The following KIDINS220 variants were observed in gnomAD, a reference collection of about 807,000 sequenced individuals.
KIDINS220 encodes kinase D-interacting substrate of 220 kDa.
KIDINS220 carries 63 observed loss-of-function variants against 157.6 expected under a neutral mutation model. The observed-to-expected ratio is 0.40, with a 90% CI of 0.33 to 0.49. The LOEUF is 0.49. Ranked by LOEUF, KIDINS220 falls within the 20% of genes least tolerant of loss-of-function variation. KIDINS220 has a pLI of 0.66. For missense variants in KIDINS220, 1,772 were observed against 2,171.2 expected, an observed-to-expected ratio of 0.82 and a Z score of 3.65; for synonymous variants, 732 against 783.6, an observed-to-expected ratio of 0.93 and a Z score of 1.10.
rs1671351655 is a variant in KIDINS220 at position 8,779,077 on chromosome 2, G to T, written c.2433C>A (p.Ile811=). 2.5e-6 allele frequency: 4 copies of T among 1,613,908 alleles called. No homozygotes were observed. Among genetic ancestry groups the T allele is most frequent in the South Asian group, 1.1e-5 (1 of 91,088 alleles). The change falls in exon 19 of 30, where the codon ATC becomes ATA. Residue 811 remains isoleucine (I), a synonymous_variant. Transcript: ENST00000256707. ...IAIFASDPHI[I]IKAINQNLNS... is the part of the protein sequence containing the mutation. ...TGAGGTTCTGGTTAATTGCCTTTATGATAATATGTGGATCACTTGCAAAAA... is the reference window on the plus strand; with the variant it reads ...TGAGGTTCTGGTTAATTGCCTTTATTATAATATGTGGATCACTTGCAAAAA...
chr2:8,812,161 G>A lies in KIDINS220; in HGVS notation c.504+234C>T, dbSNP rs571786833. On this transcript the variant is annotated intron_variant, in intron 6 of 29. Coordinates refer to ENST00000256707, the MANE Select transcript of KIDINS220 (RefSeq NM_020738.4). ...ATGAAGACAGGGACTCTGTTATCCC[G>A]GTCAGTTTTCTTGGGAATGATGAAT... Among the ~76,000 whole-genome samples, 32 of 152,228 alleles carry A rather than the reference G, an allele frequency of 2.1e-4. 1 individual carries two copies. The highest frequency in any genetic ancestry group is 6.2e-4 in the South Asian group (3 of 4,828).
intron 4 of KIDINS220, among the ~76,000 whole-genome samples, chr2:8,815,931 T>A (rs1184382001): frequency 2.6e-5 from 4 of 152,130 alleles, no homozygotes; most frequent in African/African-American, 7.2e-5. Context: ...CACTCTCCTC[T>A]CCTTAAGCAA....
intron 7 of KIDINS220, among the ~76,000 whole-genome samples, chr2:8,804,075 T>C (rs1346707770): frequency 1.3e-5 from 2 of 152,250 alleles, no homozygotes; most frequent in African/African-American, 4.8e-5. Context: ...ACTTGTTCAC[T>C]TGACCAACTG....
chr2:8,739,736 G>A (rs76133069), intron 26 of KIDINS220, among the ~76,000 whole-genome samples: 1,758 of 152,228 alleles, frequency 0.012, 32 homozygotes, highest in African/African-American at 0.04. Context: ...CCATTTTAGC[G>A]TATTGATTTT....
At chr2:8,733,111 A>C (rs1052486944) in intron 29 of KIDINS220, among the ~76,000 whole-genome samples, 1 of 152,212 alleles carries the variant, frequency 6.6e-6, no homozygotes, top group Non-Finnish European at 1.5e-5. Context: ...ACAGTTACTG[A>C]ATGCAACAGG....
rs148419955 is a variant in KIDINS220, at chr2:8,831,462, C to T, written c.-36-4333G>A. On this transcript the variant is annotated intron_variant, in intron 1 of 29. Coordinates refer to ENST00000256707, the MANE Select transcript of KIDINS220 (RefSeq NM_020738.4). The stretch of plus-strand genomic sequence containing the variant: ...CTCTGCTTAGAAAGTCCATTCTCCA[C>T]GTATATATGCCTGAACAGCTCCTAC... 3.2e-3 allele frequency among the ~76,000 whole-genome samples: 493 copies of T among 152,228 alleles called. 3 individuals carry two copies. The highest frequency in any genetic ancestry group is 0.011 in the African/African-American group (457 of 41,532).
At chr2:8,823,572 T>C (rs1678315361) in intron 2 of KIDINS220, among the ~76,000 whole-genome samples, 1 of 152,212 alleles carries the variant, frequency 6.6e-6, no homozygotes, top group Non-Finnish European at 1.5e-5. Flanking sequence ...ATCCATTAAA[T>C]GCTTATCTCG....
Position 8,788,823 on chromosome 2 carries a change from C to G in KIDINS220, c.1622-11G>C. The G allele has an allele frequency of 6.2e-7, 1 of 1,611,188 alleles. No homozygotes were observed. Among genetic ancestry groups the G allele is most frequent in the South Asian group, 1.1e-5 (1 of 90,574 alleles). On this transcript the variant is annotated splice_polypyrimidine_tract_variant and intron_variant, in intron 14 of 29. Coordinates refer to ENST00000256707, the MANE Select transcript of KIDINS220 (RefSeq NM_020738.4). ...CAAAGTAAATGACAACTGAAATTCA[C>G]AGTTTAAAAAAGTTATCCAAAGCAG...
At chr2:8,776,958 A>G in intron 20 of KIDINS220, 66 bp from the exon 21 acceptor site, 1 of 1,511,278 alleles carries the variant, frequency 6.6e-7, no homozygotes, top group Non-Finnish European at 8.9e-7. Flanking sequence ...AGGCTTTTTG[A>G]GATGTTAATA....
chr2:8,757,805 CATCTTCAGTATGGCTCTGTCCTCCTAA>C (rs1668217015), intron 22 of KIDINS220: 1 of 1,567,666 alleles, frequency 6.4e-7, no homozygotes, highest in Non-Finnish European at 8.7e-7. Flanking sequence ...TGAATAATAA[CATCTTCAGTATGGCTCTGTCCTCCTAA>C]ATCCTGGACT....
intron 22 of KIDINS220, among the ~76,000 whole-genome samples, chr2:8,770,282 T>C (rs1026142798): frequency 1.3e-5 from 2 of 152,096 alleles, no homozygotes; most frequent in Admixed American, 1.3e-4. Flanking sequence ...GGTGCACGCC[T>C]ACAGTCCTAG....
At chr2:8,722,373 G>A (rs2147915070), downstream of KIDINS220, 1 of 152,374 alleles carries the variant, frequency 6.6e-6, no homozygotes, top group African/African-American at 2.4e-5. Context: ...TTTTCCCACT[G>A]GCTGCTGAGG....
rs774687281 is a variant in KIDINS220 at position 8,751,652 on chromosome 2, TAAG to T, written c.3012-11_3012-9del. 1 of 1,562,154 alleles carries T rather than the reference TAAG, an allele frequency of 6.4e-7. No homozygotes were observed. The highest frequency in any genetic ancestry group is 1.2e-5 in the South Asian group (1 of 86,414). On this transcript the variant is annotated splice_polypyrimidine_tract_variant and intron_variant, in intron 22 of 29. Coordinates refer to ENST00000256707, the MANE Select transcript of KIDINS220 (RefSeq NM_020738.4). ...GGAATATTCTTTGATATTCTTCAAATAAGAAATCAATGAAAAAGGTTATTAATG... is the reference window on the plus strand; with the variant it reads ...GGAATATTCTTTGATATTCTTCAAATAAATCAATGAAAAAGGTTATTAATG...
rs145298533 is a variant in KIDINS220 at position 8,810,110 on chromosome 2, G to A, written c.504+2285C>T. On this transcript the variant is annotated intron_variant, in intron 6 of 29. Transcript: ENST00000256707. ...TTCGTCTCTGCTCCTCCTCTCTCACGGATGTAAACTCTACCCTTTCTTCAA... is the reference window on the plus strand; with the variant it reads ...TTCGTCTCTGCTCCTCCTCTCTCACAGATGTAAACTCTACCCTTTCTTCAA... 4.6e-5 allele frequency among the ~76,000 whole-genome samples: 7 copies of A among 152,156 alleles called. No homozygotes were observed. In the East Asian group the frequency reaches 1.4e-3, roughly 29 times the overall value.
At chr2:8,750,902 T>C (rs891305302) in intron 23 of KIDINS220, among the ~76,000 whole-genome samples, 6 of 152,226 alleles carry the variant, frequency 3.9e-5, no homozygotes, top group African/African-American at 1.4e-4. Context: ...AGCCATGTCA[T>C]ACAAAAGACT....
At position 8,731,785 on chromosome 2, in the gene KIDINS220, G is replaced by A. The variant is rs1266785786; in HGVS notation, c.4251C>T (p.Tyr1417=). 1 of 1,614,150 alleles carries A rather than the reference G, an allele frequency of 6.2e-7. No homozygotes were observed. The highest frequency in any genetic ancestry group is 8.5e-7 in the Non-Finnish European group (1 of 1,180,024). ...AGCCCCCTGATGAACTCTGACCCAT[G>A]TAATATGTGCTATGTGGAGAAGATC... ...SGRSSPHSTY[Y]MGQSSSGGSI... The change falls in exon 30 of 30, where the codon TAC becomes TAT. Residue 1417 remains tyrosine (Y), a synonymous_variant. Transcript: ENST00000256707. The surrounding 1 kb of genome is among the most constrained non-coding windows in gnomAD (Gnocchi z 5.2).
chr2:8,742,055 C>T (rs1665698346), intron 26 of KIDINS220, among the ~76,000 whole-genome samples: 2 of 152,142 alleles, frequency 1.3e-5, no homozygotes. Flanking sequence ...TCCACGTCTT[C>T]TCCTGAACAA....
intron 25 of KIDINS220, 76 bp from the exon 26 acceptor site, chr2:8,747,277 T>C (rs181658607): frequency 7.9e-7 from 1 of 1,260,864 alleles, no homozygotes; most frequent in Admixed American, 1.7e-5. Context: ...ATGAACATGA[T>C]GGTAAAATAA....
intron 21 of KIDINS220, among the ~76,000 whole-genome samples, chr2:8,772,660 T>A (rs976546466): frequency 1.3e-5 from 2 of 152,194 alleles, no homozygotes; most frequent in African/African-American, 4.8e-5. Context: ...GATAATTTTT[T>A]AATCTTATCT....
Sources: allele counts gnomAD v4.1 joint callset (sites outside exome capture counted in the v4.1 genomes callset), GRCh38; gene constraint gnomAD v4.1.1; non-coding constraint Gnocchi (gnomAD v3.1); transcripts MANE v1.5; gene names NCBI Gene and HGNC (gene_info 2026-07-23, HGNC 2026-07-21).